HAS1: variants seen among roughly 807,000 people sequenced by gnomAD.
HAS1 encodes the protein hyaluronan synthase 1, also known as HA synthase 1.
A neutral mutation model predicts 35.0 loss-of-function variants in HAS1; 27 were observed. That is an observed-to-expected ratio of 0.77 (90% confidence interval 0.57 to 1.06). The LOEUF (loss-of-function observed/expected upper bound fraction) is 1.06. Ranked by LOEUF, HAS1 falls within the 50% of genes least tolerant of loss-of-function variation. HAS1 has a pLI of 0.00. For synonymous variants in HAS1, 409 were observed against 371.2 expected (o/e 1.10, Z -1.17); for missense variants, 940 against 814.8 (o/e 1.15, Z -1.87).
rs781074459 is a variant in HAS1 at position 51,719,444 on chromosome 19, T to A, written c.461A>T (p.Glu154Val). ...GTCCCACACGTACGTGGCGGGGTCC[T>A]CGTCAGCGAAGACCTCGCGGAACAT... ...VDMFREVFAD[E>V]DPATYVWDGN... is the part of the protein sequence containing the mutation. Residue 154 changes from glutamate (E) to valine (V), a missense_variant, in exon 2 of 5, where the codon GAG becomes GTG. Coordinates refer to ENST00000540069, the MANE Select transcript of HAS1 (RefSeq NM_001297436.2). The A allele has an allele frequency of 1.3e-6, 2 of 1,552,618 alleles. No individual in the cohort carries two copies. Among genetic ancestry groups the A allele is most frequent in the Admixed American group, 3.9e-5 (2 of 51,006 alleles).
At chr19:51,720,074 C>T in intron 1 of HAS1, 179 bp from the exon 2 acceptor site, 1 of 555,890 alleles carries the variant, frequency 1.8e-6, no homozygotes, top group East Asian at 3.2e-5. Flanking sequence ...GTCTGTCTCG[C>T]TGTCTCTCTC....
At chr19:51,716,135 C>G in intron 4 of HAS1, 121 bp downstream of exon 4, 1 of 880,244 alleles carries the variant, frequency 1.1e-6, no homozygotes, top group Non-Finnish European at 1.8e-6. Flanking sequence ...TCTAAAGTCT[C>G]ACTTGATAGA....
Position 51,713,606 on chromosome 19 carries a change from T to C in HAS1, c.1555A>G (p.Ser519Gly). Residue 519 changes from serine (S) to glycine (G), a missense_variant, in exon 5 of 5, where the codon AGC becomes GGC. Transcript: ENST00000540069. This position sits in a 1 kb window ranked among gnomAD's most constrained non-coding sequence, Gnocchi z 4.5. The part of the protein sequence containing the change: ...ALLLLGGLVR[S>G]VAHEARADWS... ...TCGGCCCTGGCCTCGTGTGCTACGC[T>C]GCGGACCAGGCCCCCAAGCAGCAGC... 1 of 1,558,460 alleles carries C rather than the reference T, an allele frequency of 6.4e-7. No homozygotes were observed. The highest frequency in any genetic ancestry group is 8.7e-7 in the Non-Finnish European group (1 of 1,151,454).
At position 51,713,883 on chromosome 19, in the gene HAS1, G is replaced by A. The variant is rs775928944; in HGVS notation, c.1278C>T (p.Arg426=). The part of the protein sequence containing the change: ...ATVLRLFYAG[R]PWALLWVLLC... ...GCAGCACCCACAGCAGCGCCCAAGGGCGGCCCGCGTAGAACAGACGCAGCA... is the reference window on the plus strand; with the variant it reads ...GCAGCACCCACAGCAGCGCCCAAGGACGGCCCGCGTAGAACAGACGCAGCA... The change falls in exon 5 of 5, where the codon CGC becomes CGT. Residue 426 remains arginine, a synonymous_variant. Transcript: ENST00000540069. This position sits in a 1 kb window ranked among gnomAD's most constrained non-coding sequence, Gnocchi z 4.5. 1.3e-5 allele frequency: 21 copies of A among 1,606,148 alleles called. No individual in the cohort carries two copies. The highest frequency in any genetic ancestry group is 1.6e-5 in the Non-Finnish European group (19 of 1,179,772).
chr19:51,714,368 T>G (rs1429037738), intron 4 of HAS1, among the ~76,000 whole-genome samples: 1 of 68,910 alleles, frequency 1.5e-5, no homozygotes, highest in African/African-American at 6.2e-5. Context: ...ACCCCATCTC[T>G]ACTAAATAAA....
chr19:51,716,994 C>T lies in HAS1; in HGVS notation c.899G>A (p.Cys300Tyr), dbSNP rs1007149481. 4.3e-6 allele frequency: 7 copies of T among 1,613,420 alleles called. No homozygotes were observed. The highest frequency in any genetic ancestry group is 5.9e-6 in the Non-Finnish European group (7 of 1,179,444). ...VERACQSYFH[C>Y]VSCISGPLGL... ...TAGAGGACCGCTGATGCAGGATACA[C>T]AGTGGAAGTAGCTCTGACAAGCCCG... Residue 300 changes from cysteine to tyrosine, a missense_variant, in exon 3 of 5, where the codon TGT becomes TAT. Transcript: ENST00000540069.
intron 3 of HAS1, 33 bp downstream of exon 3, chr19:51,716,935 T>A (rs753770552): frequency 6.9e-7 from 1 of 1,442,136 alleles, no homozygotes. Context: ...TTCCACCCCA[T>A]CCACAGCCCT....
At position 51,717,098 on chromosome 19, in the gene HAS1, G is replaced by A. The variant is rs11084111; in HGVS notation, c.795C>T (p.Asp265=). ...EDPRVGAVGG[D]VRILNPLDSW... ...AGTCCAGAGGGTTAAGGATCCGCAC[G>A]TCCCCACCAACAGCCCCTACCCGGG... The change falls in exon 3 of 5, where the codon GAC becomes GAT. Residue 265 remains aspartate, a synonymous_variant. Coordinates refer to ENST00000540069, the MANE Select transcript of HAS1 (RefSeq NM_001297436.2). The A allele has an allele frequency of 0.11, 170,467 of 1,613,330 alleles. 11,932 individuals carry two copies. Among genetic ancestry groups the A allele is most frequent in the East Asian group, 0.43 (19,192 of 44,826 alleles).
Position 51,716,955 on chromosome 19 carries a change from T to C in HAS1, c.925+13A>G, listed in dbSNP as rs1394517797. The C allele has an allele frequency of 1.3e-6, 2 of 1,572,672 alleles. No individual in the cohort carries two copies. Among genetic ancestry groups the C allele is most frequent in the African/African-American group, 1.3e-5 (1 of 74,146 alleles). The stretch of plus-strand genomic sequence containing the variant: ...CCCCATCCACAGCCCTCCCAATCTC[T>C]GCCCCTGCTTACCTAGAGGACCGCT... On this transcript the variant is annotated intron_variant, in intron 3 of 4. Transcript: ENST00000540069.
At chr19:51,714,203 A>G in intron 4 of HAS1, 101 bp from the exon 5 acceptor site, 1 of 1,517,350 alleles carries the variant, frequency 6.6e-7, no homozygotes, top group Non-Finnish European at 8.8e-7. Context: ...ACTGGGGGCG[A>G]GTTTCTTAAC....
At chr19:51,718,910 G>A (rs930184168) in intron 2 of HAS1, among the ~76,000 whole-genome samples, 8 of 152,158 alleles carry the variant, frequency 5.3e-5, no homozygotes, top group Admixed American at 5.2e-4. Context: ...GAATGGATGA[G>A]TCAAGAATGA....
At chr19:51,717,283 G>A (rs2083594187) in intron 2 of HAS1, 90 bp from the exon 3 acceptor site, 4 of 828,958 alleles carry the variant, frequency 4.8e-6, no homozygotes, top group Admixed American at 2.1e-5. Context: ...ATGCAGCTGG[G>A]GCACTCTGCA....
chr19:51,720,303 CG>C (rs957997165), intron 1 of HAS1, among the ~76,000 whole-genome samples: 53 of 151,606 alleles, frequency 3.5e-4, no homozygotes, highest in African/African-American at 1.1e-3. Context: ...TTGGTAGAGC[CG>C]GGGGTCTCCC....
At chr19:51,714,395 T>TAAATAAATAAATAAATAAGC (rs1208372847) in intron 4 of HAS1, among the ~76,000 whole-genome samples, 5 of 144,898 alleles carry the variant, frequency 3.5e-5, no homozygotes, top group Non-Finnish European at 6.0e-5. Flanking sequence ...AATAAATAAA[T>TAAATAAATAAATAAATAAGC]AAGCACCAAT....
At position 51,713,793 on chromosome 19, in the gene HAS1, G is replaced by A; in HGVS notation, c.1368C>T (p.Arg456=). ...AFAAWLRGCL[R]MVLLSLYAPL... is the part of the protein sequence containing the mutation. ...GCGCGTAGAGCGACAGAAGCACCAT[G>A]CGCAGGCAGCCCCGCAGCCAGGCCG... The change falls in exon 5 of 5, where the codon CGC becomes CGT. Residue 456 remains arginine (R), a synonymous_variant. Coordinates refer to ENST00000540069, the MANE Select transcript of HAS1 (RefSeq NM_001297436.2). The surrounding 1 kb of genome is among the most constrained non-coding windows in gnomAD (Gnocchi z 4.5). 1 of 1,605,606 alleles carries A rather than the reference G, an allele frequency of 6.2e-7. No individual in the cohort carries two copies. The highest frequency in any genetic ancestry group is 8.5e-7 in the Non-Finnish European group (1 of 1,176,698).
At position 51,713,421 on chromosome 19, in the gene HAS1, C is replaced by G. The variant is rs1186492964; in HGVS notation, c.*6G>C. Reference sequence around the variant, plus strand: ...GACCCTTGAGGCGGCATCCGCGTGGCTGGACTCACACCTGGACGCGGTAGC... The same window carrying G: ...GACCCTTGAGGCGGCATCCGCGTGGGTGGACTCACACCTGGACGCGGTAGC... On this transcript the variant is annotated 3_prime_UTR_variant, in exon 5 of 5. Transcript: ENST00000540069. This position sits in a 1 kb window ranked among gnomAD's most constrained non-coding sequence, Gnocchi z 4.5. The G allele has an allele frequency of 6.7e-7, 1 of 1,503,066 alleles. No homozygotes were observed. Among genetic ancestry groups the G allele is most frequent in the Non-Finnish European group, 8.9e-7 (1 of 1,125,402 alleles). 93.1% of individuals were successfully genotyped at this position (1,503,066 alleles called of 1,614,324 possible).
intron 1 of HAS1, among the ~76,000 whole-genome samples, chr19:51,723,092 G>A (rs2083641514): frequency 6.6e-6 from 1 of 152,178 alleles, no homozygotes; most frequent in Admixed American, 6.5e-5. Flanking sequence ...GGGATCCAGA[G>A]AGTTGATTCC....
In HAS1 at chr19:51,723,984, C is replaced by T; in HGVS notation, c.-51G>A. 6.5e-7 allele frequency: 1 copy of T among 1,535,736 alleles called. No individual in the cohort carries two copies. The highest frequency in any genetic ancestry group is 8.7e-7 in the Non-Finnish European group (1 of 1,143,460). ...CTTCTCTCCGGCTTGCTCTCCCAGCCTCTCTGTGGCCAGAGAGCTGGAGGG... is the reference window on the plus strand; with the variant it reads ...CTTCTCTCCGGCTTGCTCTCCCAGCTTCTCTGTGGCCAGAGAGCTGGAGGG... On this transcript the variant is annotated 5_prime_UTR_variant, in exon 1 of 5. Coordinates refer to ENST00000540069, the MANE Select transcript of HAS1 (RefSeq NM_001297436.2).
chr19:51,723,923 A>ACACC lies in HAS1; in HGVS notation c.9+1_9+2insGGTG, dbSNP rs748932327. The ACACC allele has an allele frequency of 1.6e-5, 24 of 1,526,272 alleles. No homozygotes were observed. Among genetic ancestry groups the ACACC allele is most frequent in the Admixed American group, 6.0e-5 (3 of 50,192 alleles). The allele number at this position is 1,526,272 out of a possible 1,614,324, so 94.5% of individuals were successfully genotyped here. A position where few individuals can be genotyped will look rare whatever the true frequency, so the allele number is the denominator to read the frequency against. On this transcript the variant is annotated splice_donor_variant, in intron 1 of 4. Coordinates refer to ENST00000540069, the MANE Select transcript of HAS1 (RefSeq NM_001297436.2). LOFTEE classifies it high-confidence loss of function. ...CACACACACACACACACACACACACACCTGTCTCATCGCAGTGGGTCTGGC... is the reference window on the plus strand; with the variant it reads ...CACACACACACACACACACACACACACACCCCTGTCTCATCGCAGTGGGTCTGGC...
Sources: gnomAD v4.1 joint callset for allele counts (sites outside exome capture counted in the v4.1 genomes callset) on GRCh38, gnomAD v4.1.1 for gene constraint, Gnocchi (gnomAD v3.1) non-coding constraint, MANE v1.5 for transcripts, NCBI Gene and HGNC (gene_info 2026-07-23, HGNC 2026-07-21) for gene names.